Variants in RYR2 observed in about 807,000 individuals in gnomAD.
RYR2 encodes the protein ryanodine receptor 2, also known as cardiac muscle ryanodine receptor-calcium release channel.
A neutral mutation model predicts 601.1 loss-of-function variants in RYR2; 227 were observed. That is an observed-to-expected ratio of 0.38 (90% CI 0.34 to 0.42). The LOEUF is 0.42. Ranked by LOEUF, RYR2 falls within the 10% of genes least tolerant of loss-of-function variation. The pLI is 1.00. For missense variants in RYR2, 4,646 were observed against 6,156.5 expected, an observed-to-expected ratio of 0.75 and a Z score of 8.21; for synonymous variants, 2,223 against 2,175.1, an observed-to-expected ratio of 1.02 and a Z score of -0.61.
At chr1:237,142,020 C>A (rs908172771) in intron 1 of RYR2, among the ~76,000 whole-genome samples, 6 of 152,230 alleles carry the variant, frequency 3.9e-5, no homozygotes, top group Non-Finnish European at 1.5e-5. Context: ...TCCCTTCTTA[C>A]AGCCAGCCAA....
At chr1:237,307,996 G>A (rs889926305) in intron 2 of RYR2, among the ~76,000 whole-genome samples, 7 of 151,796 alleles carry the variant, frequency 4.6e-5, no homozygotes, top group Non-Finnish European at 1.0e-4. Context: ...AAATGAGGCC[G>A]GGACTTGCTG....
At position 237,801,857 on chromosome 1, in the gene RYR2, C is replaced by T; in HGVS notation, c.14092C>T (p.Leu4698=). ...PKKDSSLSAV[L]NSIDVKYQMW... is the part of the protein sequence containing the mutation. ...CATTTTTTTTTTTTGTCATTGCAGA[C>T]TGAACTCCATTGATGTGAAGTATCA... The change falls in exon 98 of 105, where the codon CTG becomes TTG. Residue 4698 remains leucine (L), a splice_region_variant and synonymous_variant. Transcript: ENST00000366574. 1 of 1,572,630 alleles carries T rather than the reference C, an allele frequency of 6.4e-7. No homozygotes were observed. Among genetic ancestry groups the T allele is most frequent in the African/African-American group, 1.4e-5 (1 of 73,964 alleles).
At chr1:237,173,841 G>A (rs1677698548) in intron 1 of RYR2, among the ~76,000 whole-genome samples, 2 of 122,380 alleles carry the variant, frequency 1.6e-5, no homozygotes, top group South Asian at 2.6e-4. Context: ...CAGATCACGA[G>A]GTCAGGAGAT....
chr1:237,048,369 G>A (rs1401536429), intron 1 of RYR2, among the ~76,000 whole-genome samples: 2 of 152,000 alleles, frequency 1.3e-5, no homozygotes, highest in African/African-American at 2.4e-5. Flanking sequence ...ATTTCGATGT[G>A]TTTCATACTC....
chr1:237,583,647 G>GTT (rs1446935824), intron 29 of RYR2, among the ~76,000 whole-genome samples: 1 of 152,030 alleles, frequency 6.6e-6, no homozygotes, highest in East Asian at 1.9e-4. Context: ...TTTGGTTTGG[G>GTT]TTATATATTT....
chr1:237,160,712 A>C (rs1675913948), intron 1 of RYR2, among the ~76,000 whole-genome samples: 1 of 152,086 alleles, frequency 6.6e-6, no homozygotes, highest in East Asian at 1.9e-4. Flanking sequence ...TTACAGACTC[A>C]AGGTGATTGG....
intron 17 of RYR2, among the ~76,000 whole-genome samples, chr1:237,478,579 C>T (rs1046617059): frequency 8.5e-5 from 13 of 152,264 alleles, no homozygotes; most frequent in African/African-American, 2.4e-4. Context: ...CAGATGGAAA[C>T]GCATAATAAT....
chr1:237,087,861 C>T (rs1272549210), intron 1 of RYR2, among the ~76,000 whole-genome samples: 3 of 152,032 alleles, frequency 2.0e-5, no homozygotes, highest in African/African-American at 2.4e-5. Context: ...CAGAAGTTCT[C>T]GCATTATTTG....
Position 237,656,220 on chromosome 1 carries a change from C to T in RYR2, c.8129+236C>T, listed in dbSNP as rs186303499. The stretch of plus-strand genomic sequence containing the variant: ...CTCTTAACACAATCAAGACTCTGTA[C>T]ATGGAATATCTATAATAGAATTAAG... On this transcript the variant is annotated intron_variant, in intron 53 of 104. Coordinates refer to ENST00000366574, the MANE Select transcript of RYR2 (RefSeq NM_001035.3). Among the ~76,000 whole-genome samples the T allele has an allele frequency of 1.3e-3, 195 of 152,188 alleles. 1 individual carries two copies. Among genetic ancestry groups the T allele is most frequent in the African/African-American group, 4.6e-3 (192 of 41,530 alleles).
chr1:237,232,567 C>T (rs1388413166), intron 1 of RYR2, among the ~76,000 whole-genome samples: 1 of 152,062 alleles, frequency 6.6e-6, no homozygotes, highest in South Asian at 2.1e-4. Context: ...CTCTGAGTTT[C>T]GTGAGCCACT....
intron 14 of RYR2, among the ~76,000 whole-genome samples, chr1:237,453,037 T>G (rs1482476332): frequency 6.6e-6 from 1 of 152,140 alleles, no homozygotes; most frequent in Non-Finnish European, 1.5e-5. Flanking sequence ...GAATCGTTTT[T>G]GAATTTTATT....
At chr1:237,333,380 G>A (rs1330149195) in intron 3 of RYR2, among the ~76,000 whole-genome samples, 1 of 152,180 alleles carries the variant, frequency 6.6e-6, no homozygotes, top group Non-Finnish European at 1.5e-5. Context: ...TTCCTAGCTT[G>A]CCACAGGTGA....
chr1:237,394,777 A>G (rs886674479), intron 10 of RYR2, among the ~76,000 whole-genome samples: 6 of 152,156 alleles, frequency 3.9e-5, no homozygotes, highest in Non-Finnish European at 5.9e-5. Flanking sequence ...CACCGTCTCT[A>G]TTAGTCTGTT....
At chr1:237,551,933 C>T (rs186752731) in intron 27 of RYR2, among the ~76,000 whole-genome samples, 21 of 152,288 alleles carry the variant, frequency 1.4e-4, no homozygotes, top group African/African-American at 4.8e-4. Flanking sequence ...TTTAAAGTGG[C>T]AGGTGTAGGA....
At chr1:237,687,332 A>G in intron 62 of RYR2, 123 bp from the exon 63 acceptor site, 3 of 640,514 alleles carry the variant, frequency 4.7e-6, no homozygotes, top group Non-Finnish European at 5.4e-6. Context: ...TTTCCGGCTC[A>G]TATATCAGCT....
chr1:237,652,626 A>G (rs1251864788), intron 51 of RYR2, among the ~76,000 whole-genome samples: 1 of 152,202 alleles, frequency 6.6e-6, no homozygotes, highest in Non-Finnish European at 1.5e-5. Flanking sequence ...TACATTAGTG[A>G]ATTAGGTAAA....
intron 22 of RYR2, among the ~76,000 whole-genome samples, chr1:237,504,746 C>T (rs911052104): frequency 2.0e-5 from 3 of 152,090 alleles, no homozygotes; most frequent in South Asian, 2.1e-4. Context: ...TGACACACAC[C>T]GATCTTAGAG....
intron 3 of RYR2, among the ~76,000 whole-genome samples, chr1:237,333,346 G>T (rs1228243861): frequency 1.3e-5 from 2 of 152,198 alleles, no homozygotes; most frequent in South Asian, 2.1e-4. Flanking sequence ...GAGTATTTTT[G>T]ATTATACCCA....
intron 1 of RYR2, among the ~76,000 whole-genome samples, chr1:237,197,341 C>T (rs1490300023): frequency 6.6e-6 from 1 of 152,076 alleles, no homozygotes; most frequent in Non-Finnish European, 1.5e-5. Context: ...AGTTAAATTC[C>T]CATTCATCTC....
Sources: gnomAD v4.1 joint callset for allele counts (sites outside exome capture counted in the v4.1 genomes callset) on GRCh38, gnomAD v4.1.1 for gene constraint, MANE v1.5 for transcripts, NCBI Gene and HGNC (gene_info 2026-07-23, HGNC 2026-07-21) for gene names.